Variants in ZSCAN5B observed in about 807,000 individuals in gnomAD.
ZSCAN5B encodes the protein zinc finger and SCAN domain-containing protein 5B.
ZSCAN5B carries 26 observed loss-of-function variants against 25.2 expected under a neutral mutation model. That is an observed-to-expected ratio of 1.03 (90% confidence interval 0.76 to 1.43). The LOEUF (loss-of-function observed/expected upper bound fraction) is 1.43, where lower values mean the gene tolerates loss of function less well. Among genes scored for constraint, ZSCAN5B ranks in the 40% most tolerant of loss-of-function variants. The probability of loss-of-function intolerance (pLI) is 0.00; values close to 1 mark genes in which losing one functional copy is unlikely to be tolerated. For synonymous variants in ZSCAN5B, 244 were observed against 240.9 expected (o/e 1.01, Z -0.12); for missense variants, 745 against 622.1 (o/e 1.20, Z -2.10).
rs368159881 is a variant in ZSCAN5B, at chr19:56,192,702, G to T, written c.351C>A (p.Asp117Glu). The change falls in exon 2 of 5, where the codon GAC (aspartate) becomes GAA (glutamate). Residue 117 changes from aspartate to glutamate, a missense_variant. By Grantham distance (45) the Asp-to-Glu change is conservative. Coordinates refer to ENST00000586855, the Ensembl canonical transcript of ZSCAN5B. ...TGGGTCTTCTGTTATTTCGTAGCAG[G>T]TCCTCCAGGTCTTTGCAGCTCTGCA... The T allele has an allele frequency of 2.0e-5, 31 of 1,581,382 alleles. 1 individual carries two copies. The South Asian group carries it at 2.9e-4, about 15-fold the overall frequency.
At chr19:56,190,671 T>C (rs1307739770) in intron 4 of ZSCAN5B, 96 bp from the exon 5 acceptor site, 2 of 1,554,354 alleles carry the variant, frequency 1.3e-6, no homozygotes, top group African/African-American at 1.4e-5. Flanking sequence ...GGCTGAGAAC[T>C]TCCCCTCAAC....
chr19:56,197,030 G>A (rs898284778), intron 1 of ZSCAN5B, among the ~76,000 whole-genome samples: 8 of 152,130 alleles, frequency 5.3e-5, no homozygotes, highest in Admixed American at 2.6e-4. Flanking sequence ...TGCAGCCCCA[G>A]CTAGGTGGAG....
chr19:56,190,682 C>T, intron 4 of ZSCAN5B, 107 bp from the exon 5 acceptor site: 16 of 1,551,056 alleles, frequency 1.0e-5, no homozygotes, highest in Non-Finnish European at 1.3e-5. Context: ...TCCCCTCAAC[C>T]TCAAGCCTAA....
chr19:56,193,786 C>T (rs2032771862), intron 1 of ZSCAN5B, among the ~76,000 whole-genome samples: 1 of 151,976 alleles, frequency 6.6e-6, no homozygotes, highest in Non-Finnish European at 1.5e-5. Flanking sequence ...CATGGTGAAA[C>T]CCCGTCTCTA....
chr19:56,191,501 A>G (rs1234646420), intron 3 of ZSCAN5B, among the ~76,000 whole-genome samples: 2 of 152,226 alleles, frequency 1.3e-5, no homozygotes, highest in East Asian at 3.8e-4. Flanking sequence ...ACAGTCTGAG[A>G]AAGTGGGTTC....
At chr19:56,190,077 C>T (rs752766741) in exon 5 of ZSCAN5B, 9 of 1,614,036 alleles carry the variant, frequency 5.6e-6, no homozygotes, top group South Asian at 4.4e-5. Context: ...GCAGACGTCA[C>T]ACATGTAGGG....
intron 1 of ZSCAN5B, among the ~76,000 whole-genome samples, chr19:56,195,069 G>T (rs1373430481): frequency 6.6e-6 from 1 of 152,142 alleles, no homozygotes; most frequent in Non-Finnish European, 1.5e-5. Flanking sequence ...GTCTGCAGAG[G>T]GGAGAAAAAA....
exon 2 of ZSCAN5B, chr19:56,193,021 T>G: frequency 6.3e-7 from 1 of 1,589,186 alleles, no homozygotes; most frequent in Non-Finnish European, 8.6e-7. Context: ...GGGTCCTCCC[T>G]GACCCCATGA....
At chr19:56,190,648 A>C in intron 4 of ZSCAN5B, 73 bp from the exon 5 acceptor site, 1 of 1,572,716 alleles carries the variant, frequency 6.4e-7, no homozygotes, top group Admixed American at 1.8e-5. Flanking sequence ...CATTGCAACC[A>C]AACACTGACC....
rs868653670 is a variant in ZSCAN5B, at chr19:56,191,131, G to A, written c.589-144C>T. 135 of 1,133,802 alleles carry A rather than the reference G, an allele frequency of 1.2e-4. No individual in the cohort carries two copies. In the Middle Eastern group the frequency reaches 3.6e-3, roughly 31 times the overall value. The allele number at this position is 1,133,802 out of a possible 1,614,324, so 70.2% of individuals were successfully genotyped here. A position where few individuals can be genotyped will look rare whatever the true frequency, so the allele number is the denominator to read the frequency against. On this transcript the variant is annotated intron_variant, in intron 3 of 4. Transcript: ENST00000586855. ...GTAAACATCACCACCTCATTTCTGCGTCTGTCCCTAATCTGCACCCTCCAT... is the reference window on the plus strand; with the variant it reads ...GTAAACATCACCACCTCATTTCTGCATCTGTCCCTAATCTGCACCCTCCAT...
chr19:56,190,735 G>C, intron 4 of ZSCAN5B, 102 bp downstream of exon 4: 1 of 1,543,564 alleles, frequency 6.5e-7, no homozygotes, highest in Non-Finnish European at 8.7e-7. Flanking sequence ...GAGAGATTTT[G>C]GCAGCTGATC....
intron 1 of ZSCAN5B, among the ~76,000 whole-genome samples, chr19:56,193,704 T>C (rs2032770235): frequency 6.6e-6 from 1 of 152,220 alleles, no homozygotes; most frequent in East Asian, 1.9e-4. Flanking sequence ...GGCCCAGGCC[T>C]GTAATCCCAG....
intron 3 of ZSCAN5B, among the ~76,000 whole-genome samples, chr19:56,191,221 G>A (rs1002419720): frequency 4.6e-5 from 7 of 151,934 alleles, no homozygotes; most frequent in Admixed American, 2.0e-4. Context: ...ATTTCTCCCC[G>A]CCGTGCCAAT....
At chr19:56,196,145 G>A (rs1010142167) in intron 1 of ZSCAN5B, among the ~76,000 whole-genome samples, 1 of 152,114 alleles carries the variant, frequency 6.6e-6, no homozygotes, top group Non-Finnish European at 1.5e-5. Context: ...TCTGCCTCCC[G>A]GGTTCAAGCG....
chr19:56,191,027 T>A (rs778435895), intron 3 of ZSCAN5B, 40 bp from the exon 4 acceptor site: 1 of 1,613,258 alleles, frequency 6.2e-7, no homozygotes, highest in African/African-American at 1.3e-5. Context: ...GCCGTGTCTA[T>A]ACTGGTGGAA....
intron 1 of ZSCAN5B, among the ~76,000 whole-genome samples, chr19:56,196,645 T>C (rs2032814121): frequency 6.6e-6 from 1 of 152,162 alleles, no homozygotes; most frequent in Non-Finnish European, 1.5e-5. Flanking sequence ...GTGCGATGGC[T>C]CACTCCTGTC....
chr19:56,190,489 C>G, exon 5 of ZSCAN5B: 1 of 1,614,014 alleles, frequency 6.2e-7, no homozygotes, highest in African/African-American at 1.3e-5. Flanking sequence ...TCTCTCTCCA[C>G]AACGCAGGCA....
chr19:56,194,321 G>T lies in ZSCAN5B; in HGVS notation c.-127-1142C>A, dbSNP rs376547538. Among the ~76,000 whole-genome samples the T allele has an allele frequency of 9.2e-5, 14 of 152,154 alleles. No homozygotes were observed. The South Asian group carries it at 2.9e-3, about 32-fold the overall frequency. On this transcript the variant is annotated intron_variant, in intron 1 of 4. Transcript: ENST00000586855. Reference sequence around the variant, plus strand: ...TTTTTCTTTTTTCTTTTTGAGACAGGGTCTTGCTCTGTCATCCAGGCTGGA... The same window carrying T: ...TTTTTCTTTTTTCTTTTTGAGACAGTGTCTTGCTCTGTCATCCAGGCTGGA...
rs1340705075 is a variant in ZSCAN5B, at chr19:56,193,218, C to G, written c.-127-39G>C. ...GCATGAGCCCGATTATTTTAACTTTCTACTCCACACACCCCTCCCTTCCAA... is the reference window on the plus strand; with the variant it reads ...GCATGAGCCCGATTATTTTAACTTTGTACTCCACACACCCCTCCCTTCCAA... On this transcript the variant is annotated intron_variant, in intron 1 of 4. Coordinates refer to ENST00000586855, the Ensembl canonical transcript of ZSCAN5B. 4 of 779,912 alleles carry G rather than the reference C, an allele frequency of 5.1e-6. No individual in the cohort carries two copies. The East Asian group carries it at 1.1e-4, about 21-fold the overall frequency. 48.3% of individuals were successfully genotyped at this position (779,912 alleles called of 1,614,324 possible).
Sources: allele counts gnomAD v4.1 joint callset (sites outside exome capture counted in the v4.1 genomes callset), GRCh38; gene constraint gnomAD v4.1.1; transcripts MANE v1.5; gene names NCBI Gene and HGNC (gene_info 2026-07-23, HGNC 2026-07-21).